SPAG16: variants seen among roughly 807,000 people sequenced by gnomAD.
The protein encoded by SPAG16 is sperm-associated antigen 16 protein.
Under a neutral mutation model 80.4 loss-of-function variants are expected in SPAG16, and 86 were observed. That is an observed-to-expected ratio of 1.07 (90% CI 0.90 to 1.28). SPAG16 has a LOEUF of 1.28. Ranked by LOEUF, SPAG16 falls within the 50% of genes most tolerant of loss-of-function variation. SPAG16 has a pLI of 0.00. For missense variants in SPAG16, 870 were observed against 765.3 expected, an observed-to-expected ratio of 1.14 and a Z score of -1.61; for synonymous variants, 294 against 265.9, an observed-to-expected ratio of 1.11 and a Z score of -1.03.
intron 10 of SPAG16, among the ~76,000 whole-genome samples, chr2:213,651,600 A>C (rs901972002): frequency 2.0e-5 from 3 of 152,210 alleles, no homozygotes; most frequent in African/African-American, 7.2e-5. Context: ...CTTTCCAAAC[A>C]TAAGAAACCA....
At chr2:214,145,311 A>G (rs1007707222) in intron 14 of SPAG16, among the ~76,000 whole-genome samples, 1 of 152,046 alleles carries the variant, frequency 6.6e-6, no homozygotes, top group Non-Finnish European at 1.5e-5. Flanking sequence ...ACCACAGCCC[A>G]AGGTTTACTT....
intron 15 of SPAG16, among the ~76,000 whole-genome samples, chr2:214,210,246 C>T (rs1000832829): frequency 3.3e-5 from 5 of 151,636 alleles, no homozygotes; most frequent in Admixed American, 1.3e-4. Flanking sequence ...AATTGACCCT[C>T]GAACATGTTT....
At chr2:213,862,433 A>T in intron 10 of SPAG16, 52 bp from the exon 11 acceptor site, 2 of 1,588,802 alleles carry the variant, frequency 1.3e-6, no homozygotes, top group Admixed American at 3.4e-5. Flanking sequence ...TCATATTCTG[A>T]AAACATTTGC....
chr2:214,076,547 G>A (rs867343737), intron 13 of SPAG16, among the ~76,000 whole-genome samples: 1 of 129,718 alleles, frequency 7.7e-6, no homozygotes, highest in Non-Finnish European at 1.7e-5. Flanking sequence ...GTGTGTCTGT[G>A]TGTGTGTGTG....
At chr2:214,091,482 G>C (rs1451612841) in intron 13 of SPAG16, among the ~76,000 whole-genome samples, 1 of 152,074 alleles carries the variant, frequency 6.6e-6, no homozygotes, top group East Asian at 1.9e-4. Flanking sequence ...ACACTAACTT[G>C]CTGTATATAC....
At chr2:213,467,930 C>A (rs969670774) in intron 9 of SPAG16, among the ~76,000 whole-genome samples, 1 of 152,070 alleles carries the variant, frequency 6.6e-6, no homozygotes, top group African/African-American at 2.4e-5. Flanking sequence ...GCCTGCAAGG[C>A]AGCTATTAGA....
chr2:213,308,181 A>G (rs2063031910), intron 3 of SPAG16, among the ~76,000 whole-genome samples: 1 of 152,186 alleles, frequency 6.6e-6, no homozygotes, highest in African/African-American at 2.4e-5. Context: ...ACTTCATTCC[A>G]TAAAATAGAA....
At chr2:213,972,200 C>T (rs566306005) in intron 12 of SPAG16, among the ~76,000 whole-genome samples, 9 of 151,282 alleles carry the variant, frequency 5.9e-5, no homozygotes, top group African/African-American at 1.5e-4. Context: ...TTTAAATCTC[C>T]TTTGGAGAAA....
At position 213,609,337 on chromosome 2, in the gene SPAG16, C is replaced by T. The variant is rs183314805; in HGVS notation, c.1070+119247C>T. 1.6e-3 allele frequency among the ~76,000 whole-genome samples: 237 copies of T among 152,290 alleles called. 3 individuals are homozygous for T. The highest frequency in any genetic ancestry group is 4.6e-3 in the African/African-American group (193 of 41,566). On this transcript the variant is annotated intron_variant, in intron 10 of 15. Transcript: ENST00000331683. ...TGTCTTTGCTTTAGAGCAATGGTAA[C>T]CTCTTTGACTGTACATCTAAAATTC...
At chr2:213,298,924 T>G (rs2062612826) in intron 3 of SPAG16, among the ~76,000 whole-genome samples, 1 of 152,218 alleles carries the variant, frequency 6.6e-6, no homozygotes, top group Admixed American at 6.5e-5. Flanking sequence ...AAATATGGAT[T>G]CATTTTATCA....
At chr2:214,079,863 CA>C (rs1369519050) in intron 13 of SPAG16, among the ~76,000 whole-genome samples, 1 of 152,112 alleles carries the variant, frequency 6.6e-6, no homozygotes, top group African/African-American at 2.4e-5. Flanking sequence ...ATTTCAAAAA[CA>C]AAACTAATTT....
chr2:213,330,378 T>C (rs1299445261), intron 5 of SPAG16, among the ~76,000 whole-genome samples: 2 of 152,218 alleles, frequency 1.3e-5, no homozygotes, highest in East Asian at 3.9e-4. Context: ...ACCTCTTGTA[T>C]CAGCGTGACC....
chr2:213,690,504 A>G (rs745517634), intron 10 of SPAG16, among the ~76,000 whole-genome samples: 29 of 152,290 alleles, frequency 1.9e-4, no homozygotes, highest in Middle Eastern at 3.4e-3. Flanking sequence ...GACTGGATTG[A>G]GGGATGCCTA....
chr2:214,037,864 GGTGTGTGTGTGTGTGT>G (rs35564156), intron 13 of SPAG16, among the ~76,000 whole-genome samples: 191 of 133,704 alleles, frequency 1.4e-3, no homozygotes, highest in Middle Eastern at 3.8e-3. Flanking sequence ...CCAGAAGCCT[GGTGTGTGTGTGTGTGT>G]GTGTGTGTGT....
chr2:213,971,162 T>C (rs2045030440), intron 12 of SPAG16, among the ~76,000 whole-genome samples: 1 of 152,156 alleles, frequency 6.6e-6, no homozygotes, highest in Non-Finnish European at 1.5e-5. Context: ...TTAATACATT[T>C]CAAAAGATAT....
chr2:214,397,738 T>C (rs892486437), intron 15 of SPAG16, among the ~76,000 whole-genome samples: 5 of 152,208 alleles, frequency 3.3e-5, no homozygotes, highest in Admixed American at 6.5e-5. Flanking sequence ...TTAAAGACAA[T>C]AGAAGGTAAA....
At chr2:214,408,741 A>G (rs1702136513) in intron 15 of SPAG16, among the ~76,000 whole-genome samples, 1 of 152,178 alleles carries the variant, frequency 6.6e-6, no homozygotes, top group Non-Finnish European at 1.5e-5. Flanking sequence ...ATTGATAACA[A>G]TGCTATGCTG....
At chr2:213,765,229 C>T (rs192357927) in intron 10 of SPAG16, among the ~76,000 whole-genome samples, 8 of 152,128 alleles carry the variant, frequency 5.3e-5, no homozygotes, top group Admixed American at 2.6e-4. Flanking sequence ...ATTAGCTGGG[C>T]GTGGTGGTGC....
chr2:213,587,032 C>A (rs916474022), intron 10 of SPAG16, among the ~76,000 whole-genome samples: 2 of 152,182 alleles, frequency 1.3e-5, no homozygotes, highest in African/African-American at 4.8e-5. Flanking sequence ...TCTGCAGCAG[C>A]TCTGTGCCTG....
Sources: gnomAD v4.1 joint callset for allele counts (sites outside exome capture counted in the v4.1 genomes callset) on GRCh38, gnomAD v4.1.1 for gene constraint, MANE v1.5 for transcripts, NCBI Gene and HGNC (gene_info 2026-07-23, HGNC 2026-07-21) for gene names.